Variants in GMDS observed in about 807,000 individuals in gnomAD.
The protein encoded by GMDS is GDP-mannose 4,6-dehydratase.
A neutral mutation model predicts 49.9 loss-of-function variants in GMDS; 20 were observed. The ratio of observed to expected loss-of-function variants is 0.40; its 90% CI spans 0.28 to 0.58. The LOEUF is 0.58. Among genes scored for constraint, GMDS ranks in the 20% least tolerant of loss-of-function variants. GMDS has a pLI of 0.42. For synonymous variants in GMDS, 177 were observed against 178.6 expected, an observed-to-expected ratio of 0.99 and a Z score of 0.07; for missense variants, 362 against 481.4, an observed-to-expected ratio of 0.75 and a Z score of 2.32.
intron 6 of GMDS, among the ~76,000 whole-genome samples, chr6:1,954,254 T>C (rs1045653026): frequency 2.0e-5 from 3 of 152,252 alleles, no homozygotes; most frequent in African/African-American, 7.2e-5. Context: ...TAACTAAAAA[T>C]TACTTTATCA....
At chr6:2,156,853 T>C (rs998750030) in intron 1 of GMDS, among the ~76,000 whole-genome samples, 2 of 152,052 alleles carry the variant, frequency 1.3e-5, no homozygotes, top group Non-Finnish European at 2.9e-5. Context: ...TCTGTTAAAA[T>C]GAGAAGAAAG....
intron 7 of GMDS, among the ~76,000 whole-genome samples, chr6:1,907,951 C>T (rs564168098): frequency 2.7e-4 from 41 of 152,212 alleles, no homozygotes; most frequent in South Asian, 4.1e-4. Flanking sequence ...CACGATAAAT[C>T]GTTTAAAAAT....
chr6:2,170,928 G>C (rs1039558178), intron 1 of GMDS, among the ~76,000 whole-genome samples: 1 of 151,850 alleles, frequency 6.6e-6, no homozygotes, highest in Non-Finnish European at 1.5e-5. Flanking sequence ...CCAGGAGGCA[G>C]AGCTTGTGGT....
intron 9 of GMDS, among the ~76,000 whole-genome samples, chr6:1,681,208 G>A (rs1165601717): frequency 6.6e-6 from 1 of 151,192 alleles, no homozygotes; most frequent in Non-Finnish European, 1.5e-5. Flanking sequence ...TGCCAATGCA[G>A]AAGAGGACTG....
At chr6:2,003,251 T>C (rs1766945576) in intron 4 of GMDS, among the ~76,000 whole-genome samples, 1 of 152,192 alleles carries the variant, frequency 6.6e-6, no homozygotes, top group Non-Finnish European at 1.5e-5. Flanking sequence ...TGATACCATA[T>C]ATTTATGTGG....
chr6:1,851,462 T>C (rs1039561999), intron 7 of GMDS, among the ~76,000 whole-genome samples: 3 of 152,238 alleles, frequency 2.0e-5, no homozygotes, highest in African/African-American at 4.8e-5. Context: ...GGAAATAACA[T>C]ACTTTATTAA....
At chr6:1,941,673 G>C (rs1762830637) in intron 6 of GMDS, among the ~76,000 whole-genome samples, 1 of 152,124 alleles carries the variant, frequency 6.6e-6, no homozygotes, top group African/African-American at 2.4e-5. Flanking sequence ...CTTCAAGATG[G>C]GCATGAAAGC....
intron 4 of GMDS, among the ~76,000 whole-genome samples, chr6:2,110,203 C>T (rs191357591): frequency 3.3e-5 from 5 of 151,938 alleles, no homozygotes; most frequent in Non-Finnish European, 7.4e-5. Flanking sequence ...CCTTCCCCCC[C>T]ATAATGCAAT....
chr6:1,727,069 A>C (rs892694238), intron 8 of GMDS, among the ~76,000 whole-genome samples: 32 of 152,266 alleles, frequency 2.1e-4, no homozygotes, highest in African/African-American at 7.0e-4. Flanking sequence ...GGGCCCCCTT[A>C]GTAAGTCTCA....
chr6:2,001,340 T>C (rs566857975), intron 4 of GMDS, among the ~76,000 whole-genome samples: 1 of 152,334 alleles, frequency 6.6e-6, no homozygotes, highest in African/African-American at 2.4e-5. Context: ...AATTGGGTTG[T>C]CTTTTTATTA....
Position 2,153,529 on chromosome 6 carries a change from T to C in GMDS, c.103-28798A>G, listed in dbSNP as rs115836178. Among the ~76,000 whole-genome samples the C allele has an allele frequency of 5.7e-3, 865 of 152,292 alleles. 2 individuals are homozygous for C. Among genetic ancestry groups the C allele is most frequent in the Middle Eastern group, 0.017 (5 of 294 alleles). ...GTCCAGTAGGGAAAATGGCAGTTGA[T>C]GAACAGGCAATTAAGAGAAATGAGT... On this transcript the variant is annotated intron_variant, in intron 1 of 10. Coordinates refer to ENST00000380815, the MANE Select transcript of GMDS (RefSeq NM_001500.4).
intron 4 of GMDS, among the ~76,000 whole-genome samples, chr6:2,049,564 A>G (rs1351949327): frequency 6.6e-6 from 1 of 152,316 alleles, no homozygotes; most frequent in South Asian, 2.1e-4. Flanking sequence ...GGGACTCTAC[A>G]TATGTGATCA....
At chr6:1,684,411 C>A (rs1186094142) in intron 9 of GMDS, among the ~76,000 whole-genome samples, 1 of 152,184 alleles carries the variant, frequency 6.6e-6, no homozygotes, top group Non-Finnish European at 1.5e-5. Context: ...ATGTTCACAG[C>A]AGCAACATTC....
chr6:2,066,294 T>C (rs1771585409), intron 4 of GMDS, among the ~76,000 whole-genome samples: 1 of 147,680 alleles, frequency 6.8e-6, no homozygotes, highest in South Asian at 2.2e-4. Flanking sequence ...GAACAACCGG[T>C]ACCAGCCACT....
intron 4 of GMDS, among the ~76,000 whole-genome samples, chr6:1,981,533 AG>A (rs1217502228): frequency 6.6e-6 from 1 of 150,698 alleles, no homozygotes; most frequent in African/African-American, 2.4e-5. Context: ...GAAATTGAGG[AG>A]GTCAAACCAA....
intron 9 of GMDS, among the ~76,000 whole-genome samples, chr6:1,661,116 T>G (rs182177417): frequency 8.5e-5 from 13 of 152,258 alleles, no homozygotes; most frequent in African/African-American, 3.1e-4. Context: ...GCAAATACCA[T>G]GGGGCAGTCC....
intron 4 of GMDS, among the ~76,000 whole-genome samples, chr6:1,999,958 AT>A (rs1465262661): frequency 0.036 from 740 of 20,630 alleles, 96 homozygotes; most frequent in African/African-American, 0.045. Flanking sequence ...TAATATGTAT[AT>A]TATATATATA....
chr6:1,915,516 G>A (rs1318181524), intron 7 of GMDS, among the ~76,000 whole-genome samples: 1 of 152,238 alleles, frequency 6.6e-6, no homozygotes, highest in Non-Finnish European at 1.5e-5. Context: ...CCCTGCCCAA[G>A]GCCGAGAATG....
chr6:1,946,687 C>G (rs547505588), intron 6 of GMDS, among the ~76,000 whole-genome samples: 7 of 152,252 alleles, frequency 4.6e-5, no homozygotes, highest in Non-Finnish European at 8.8e-5. Context: ...CAAGCAGGTA[C>G]GGAAGGCTTT....
Sources: allele counts gnomAD v4.1 joint callset (sites outside exome capture counted in the v4.1 genomes callset), GRCh38; gene constraint gnomAD v4.1.1; transcripts MANE v1.5; gene names NCBI Gene and HGNC (gene_info 2026-07-23, HGNC 2026-07-21).